Variants in ARFGEF1 observed in about 807,000 individuals in gnomAD.
ARFGEF1 encodes ARF guanine nucleotide exchange factor 1, also known as brefeldin A-inhibited guanine nucleotide-exchange protein 1.
ARFGEF1 carries 42 observed loss-of-function variants against 231.0 expected under a neutral mutation model. The ratio of observed to expected loss-of-function variants is 0.18; its 90% CI spans 0.14 to 0.24. ARFGEF1 has a LOEUF of 0.24. ARFGEF1 is among the 10% of genes least tolerant of loss of function. ARFGEF1 has a pLI of 1.00. For synonymous variants in ARFGEF1, 710 were observed against 732.3 expected, an observed-to-expected ratio of 0.97 and a Z score of 0.49; for missense variants, 1,345 against 2,192.0, an observed-to-expected ratio of 0.61 and a Z score of 7.72.
At chr8:67,240,571 T>C (rs1563858485) in intron 19 of ARFGEF1, among the ~76,000 whole-genome samples, 2 of 152,164 alleles carry the variant, frequency 1.3e-5, no homozygotes, top group African/African-American at 2.4e-5. Context: ...TCAATATTCA[T>C]AAAAATATTA....
chr8:67,319,378 AAT>A (rs1278121631), intron 1 of ARFGEF1, among the ~76,000 whole-genome samples: 1 of 152,184 alleles, frequency 6.6e-6, no homozygotes, highest in Non-Finnish European at 1.5e-5. Flanking sequence ...AGATCAATGG[AAT>A]AGAGTCCAGA....
chr8:67,195,686 A>AAAGT (rs1837797902), downstream of ARFGEF1: 2 of 1,025,958 alleles, frequency 1.9e-6, no homozygotes, highest in East Asian at 2.6e-5. Flanking sequence ...CCCCTACCTG[A>AAAGT]AAGTTACTTT....
intron 1 of ARFGEF1, among the ~76,000 whole-genome samples, chr8:67,310,161 G>A (rs920062424): frequency 2.4e-4 from 36 of 152,108 alleles, no homozygotes; most frequent in Admixed American, 6.5e-4. Context: ...ATGCGGAGCC[G>A]AAGCTGGACT....
intron 5 of ARFGEF1, among the ~76,000 whole-genome samples, chr8:67,294,268 C>A (rs1225158683): frequency 2.6e-5 from 4 of 152,030 alleles, no homozygotes; most frequent in African/African-American, 4.8e-5. Context: ...TGGAACCAAT[C>A]CCCCATGAAT....
intron 28 of ARFGEF1, among the ~76,000 whole-genome samples, chr8:67,225,301 T>C (rs566383008): frequency 6.6e-6 from 1 of 152,322 alleles, no homozygotes; most frequent in East Asian, 1.9e-4. Context: ...TTCTGCATTA[T>C]TAGCCAGGTT....
chr8:67,196,963 TTTCCTC>T (rs1245368512), downstream of ARFGEF1, among the ~76,000 whole-genome samples: 1 of 152,208 alleles, frequency 6.6e-6, no homozygotes, highest in African/African-American at 2.4e-5. Flanking sequence ...ACTGAATACT[TTTCCTC>T]TTTAACACAA....
chr8:67,315,416 AG>A (rs1807267370), intron 1 of ARFGEF1, among the ~76,000 whole-genome samples: 1 of 152,206 alleles, frequency 6.6e-6, no homozygotes, highest in African/African-American at 2.4e-5. Context: ...ATAAATTTAT[AG>A]AATACTCCAC....
intron 36 of ARFGEF1, among the ~76,000 whole-genome samples, chr8:67,202,051 A>C (rs959283771): frequency 6.6e-6 from 1 of 152,208 alleles, no homozygotes; most frequent in Non-Finnish European, 1.5e-5. Flanking sequence ...GTAGAAAAAA[A>C]GGGGAAAAAT....
rs534497734 is a variant in ARFGEF1 at position 67,189,265 on chromosome 8, G to C, written c.560+11131C>G. On this transcript the variant is annotated intron_variant, in intron 5 of 5. Coordinates refer to the ARFGEF1 transcript ENST00000518789. ...TACAGTTCAGCGTATACACTCCTTG[G>C]TATTTGCCTAAGGGAGCTGAAAACT... is the stretch of plus-strand genomic sequence containing the variant. Among the ~76,000 whole-genome samples the C allele has an allele frequency of 7.2e-5, 11 of 152,252 alleles. No individual in the cohort carries two copies. In the South Asian group the frequency reaches 2.1e-3, roughly 29 times the overall value.
intron 8 of ARFGEF1, 147 bp downstream of exon 8, chr8:67,277,134 GA>G (rs1040586011): frequency 1.5e-5 from 12 of 787,000 alleles, no homozygotes; most frequent in East Asian, 5.6e-5. Context: ...ATAAATGAAG[GA>G]AAAAAAACCC....
At position 67,271,748 on chromosome 8, in the gene ARFGEF1, A is replaced by G; in HGVS notation, c.1526T>C (p.Leu509Pro). ...TGTCTTGAAATTTGACAACAAAGTAAGAAATATAGAAAGAGAAAGCTCAAA... is the reference window on the plus strand; with the variant it reads ...TGTCTTGAAATTTGACAACAAAGTAGGAAATATAGAAAGAGAAAGCTCAAA... ...EVFELSLSIF[L>P]TLLSNFKTHL... Residue 509 changes from leucine (L) to proline (P), a missense_variant, in exon 10 of 39, where the codon CTT (leucine) becomes CCT (proline). Transcript: ENST00000262215. The G allele has an allele frequency of 6.2e-7, 1 of 1,613,582 alleles. No individual in the cohort carries two copies.
Position 67,314,251 on chromosome 8 carries a change from G to A in ARFGEF1, c.125-11785C>T, listed in dbSNP as rs145810944. ...TCCCTAACTGTGAAGTCTACAAGCC[G>A]CAGATGGATTCAAGTCCTCCCCTGA... is the stretch of plus-strand genomic sequence containing the variant. On this transcript the variant is annotated intron_variant, in intron 1 of 38. Coordinates refer to ENST00000262215, the MANE Select transcript of ARFGEF1 (RefSeq NM_006421.5). Among the ~76,000 whole-genome samples the A allele has an allele frequency of 6.2e-3, 942 of 152,266 alleles. 11 individuals carry two copies. Among genetic ancestry groups the A allele is most frequent in the African/African-American group, 0.021 (857 of 41,556 alleles).
At chr8:67,272,925 T>C (rs1017940446) in intron 9 of ARFGEF1, among the ~76,000 whole-genome samples, 3 of 151,922 alleles carry the variant, frequency 2.0e-5, no homozygotes, top group African/African-American at 7.3e-5. Context: ...CTGGCCAACA[T>C]GGTGAAACCC....
intron 1 of ARFGEF1, among the ~76,000 whole-genome samples, chr8:67,318,477 T>C (rs1807430328): frequency 6.6e-6 from 1 of 151,892 alleles, no homozygotes; most frequent in African/African-American, 2.4e-5. Context: ...TGTAAATAAG[T>C]AAATAAAGGT....
chr8:67,280,709 G>A (rs1473475086), intron 7 of ARFGEF1, among the ~76,000 whole-genome samples: 1 of 152,188 alleles, frequency 6.6e-6, no homozygotes, highest in East Asian at 1.9e-4. Context: ...CCTGCTCAAG[G>A]GAGGTACCTG....
chr8:67,269,033 C>T (rs756734637), intron 10 of ARFGEF1, among the ~76,000 whole-genome samples: 17 of 152,102 alleles, frequency 1.1e-4, no homozygotes, highest in Non-Finnish European at 5.9e-5. Context: ...AAGTCTATTG[C>T]TGTAATATAA....
At chr8:67,232,285 T>C (rs1040435975) in intron 23 of ARFGEF1, among the ~76,000 whole-genome samples, 4 of 152,002 alleles carry the variant, frequency 2.6e-5, no homozygotes, top group African/African-American at 7.2e-5. Context: ...CAAGTAACAA[T>C]AGGAGACATT....
chr8:67,197,129 G>GTTAT (rs898253506), downstream of ARFGEF1, among the ~76,000 whole-genome samples: 1 of 152,124 alleles, frequency 6.6e-6, no homozygotes, highest in Non-Finnish European at 1.5e-5. Context: ...CTGATGCTAG[G>GTTAT]TTATTAATAT....
At chr8:67,304,770 G>A (rs1228954288) in intron 1 of ARFGEF1, among the ~76,000 whole-genome samples, 1 of 152,244 alleles carries the variant, frequency 6.6e-6, no homozygotes, top group African/African-American at 2.4e-5. Context: ...AGTGAGCTGA[G>A]ATTGCGCCAC....
Sources: allele counts gnomAD v4.1 joint callset (sites outside exome capture counted in the v4.1 genomes callset), GRCh38; gene constraint gnomAD v4.1.1; transcripts MANE v1.5; gene names NCBI Gene and HGNC (gene_info 2026-07-23, HGNC 2026-07-21).